SUCLG2: variants seen among roughly 807,000 people sequenced by gnomAD.
SUCLG2 encodes succinate--CoA ligase [GDP-forming] subunit beta, mitochondrial.
Under a neutral mutation model 47.9 loss-of-function variants are expected in SUCLG2, and 42 were observed. The observed-to-expected ratio is 0.88, with a 90% CI of 0.69 to 1.14. The LOEUF is 1.14. Ranked by LOEUF, SUCLG2 falls within the 50% of genes most tolerant of loss-of-function variation. The pLI is 0.00. For missense variants in SUCLG2, 571 were observed against 525.9 expected (o/e 1.09, Z -0.84); for synonymous variants, 195 against 197.3 (o/e 0.99, Z 0.10).
intron 6 of SUCLG2, among the ~76,000 whole-genome samples, chr3:67,510,021 C>T (rs1033702932): frequency 6.6e-6 from 1 of 152,212 alleles, no homozygotes; most frequent in African/African-American, 2.4e-5. Flanking sequence ...CTGGGCAGCA[C>T]CTCCTCCTCT....
At chr3:67,644,771 G>C (rs1169785678) in intron 1 of SUCLG2, among the ~76,000 whole-genome samples, 1 of 151,696 alleles carries the variant, frequency 6.6e-6, no homozygotes, top group Non-Finnish European at 1.5e-5. Flanking sequence ...CAAAAACAAG[G>C]TTTCAGAGAC....
chr3:67,491,794 G>GTTT (rs1705213434), intron 9 of SUCLG2, among the ~76,000 whole-genome samples: 1 of 152,174 alleles, frequency 6.6e-6, no homozygotes, highest in Non-Finnish European at 1.5e-5. Flanking sequence ...TTTTTTAAAT[G>GTTT]ATACTGTCAT....
At chr3:67,428,110 G>C (rs1014809867) in intron 9 of SUCLG2, among the ~76,000 whole-genome samples, 4 of 152,208 alleles carry the variant, frequency 2.6e-5, no homozygotes, top group African/African-American at 9.6e-5. Flanking sequence ...TCCCAGCACA[G>C]AGTTTGAGAA....
chr3:67,482,505 T>C (rs1435647218), intron 9 of SUCLG2, among the ~76,000 whole-genome samples: 1 of 152,216 alleles, frequency 6.6e-6, no homozygotes. Context: ...TCACCCTTCT[T>C]ATTTGAATAC....
chr3:67,633,839 G>A (rs1452777946), intron 1 of SUCLG2, among the ~76,000 whole-genome samples: 1 of 151,928 alleles, frequency 6.6e-6, no homozygotes, highest in African/African-American at 2.4e-5. Context: ...TCCGCTTTCT[G>A]CCTACTTTTA....
chr3:67,479,926 T>C (rs1486193666), intron 9 of SUCLG2, among the ~76,000 whole-genome samples: 1 of 152,246 alleles, frequency 6.6e-6, no homozygotes, highest in Admixed American at 6.5e-5. Flanking sequence ...TGGAAGATTA[T>C]CCTTAATTCT....
chr3:67,515,743 G>A (rs181109353), intron 6 of SUCLG2, among the ~76,000 whole-genome samples: 1 of 152,062 alleles, frequency 6.6e-6, no homozygotes, highest in African/African-American at 2.4e-5. Flanking sequence ...TCTGCTCATT[G>A]TACACTGGCC....
intron 9 of SUCLG2, among the ~76,000 whole-genome samples, chr3:67,485,762 T>C (rs571204570): frequency 4.8e-4 from 73 of 152,322 alleles, no homozygotes; most frequent in Admixed American, 8.5e-4. Context: ...AACCTAAATT[T>C]GTAAGGAAAG....
intron 3 of SUCLG2, among the ~76,000 whole-genome samples, chr3:67,528,425 G>A (rs1209068573): frequency 6.6e-6 from 1 of 152,116 alleles, no homozygotes; most frequent in East Asian, 1.9e-4. Flanking sequence ...GTTCATGAAT[G>A]AATAAATGAA....
chr3:67,591,457 C>T (rs1282580679), intron 2 of SUCLG2, among the ~76,000 whole-genome samples: 10 of 152,158 alleles, frequency 6.6e-5, no homozygotes, highest in South Asian at 2.1e-4. Flanking sequence ...AGAATTTTCA[C>T]GTGTTGTGGG....
At chr3:67,434,362 C>T (rs1344593743) in intron 9 of SUCLG2, among the ~76,000 whole-genome samples, 3 of 152,054 alleles carry the variant, frequency 2.0e-5, no homozygotes, top group Non-Finnish European at 2.9e-5. Flanking sequence ...CCTATCTCTA[C>T]AAAAAATGAA....
intron 2 of SUCLG2, among the ~76,000 whole-genome samples, chr3:67,544,132 T>C (rs570777648): frequency 6.6e-6 from 1 of 152,328 alleles, no homozygotes; most frequent in Admixed American, 6.5e-5. Context: ...AACTTAAAAT[T>C]GACTGGAAGA....
intron 9 of SUCLG2, among the ~76,000 whole-genome samples, chr3:67,492,883 C>G (rs1184323566): frequency 6.6e-6 from 1 of 152,176 alleles, no homozygotes. Context: ...TGACTGACAT[C>G]ATGAGTGGAA....
intron 1 of SUCLG2, among the ~76,000 whole-genome samples, chr3:67,645,201 A>G (rs1420434237): frequency 6.6e-6 from 1 of 152,144 alleles, no homozygotes; most frequent in African/African-American, 2.4e-5. Flanking sequence ...AAGTCTCCCC[A>G]CATATTAAAA....
At chr3:67,367,661 T>C (rs1701894084) in intron 10 of SUCLG2, among the ~76,000 whole-genome samples, 1 of 152,180 alleles carries the variant, frequency 6.6e-6, no homozygotes, top group Non-Finnish European at 1.5e-5. Context: ...CTCTACCTAC[T>C]AGAAGTGAGG....
intron 7 of SUCLG2, among the ~76,000 whole-genome samples, chr3:67,506,421 A>C (rs1483831122): frequency 6.6e-6 from 1 of 152,220 alleles, no homozygotes; most frequent in Non-Finnish European, 1.5e-5. Context: ...GCTCTTAAAA[A>C]TATCACATAA....
chr3:67,571,539 C>A (rs1372426647), intron 2 of SUCLG2, among the ~76,000 whole-genome samples: 1 of 152,152 alleles, frequency 6.6e-6, no homozygotes, highest in Non-Finnish European at 1.5e-5. Context: ...ACCCTTGGCC[C>A]TCAACTATCT....
chr3:67,390,061 T>C (rs1440337942), intron 10 of SUCLG2, among the ~76,000 whole-genome samples: 6 of 152,252 alleles, frequency 3.9e-5, no homozygotes, highest in Admixed American at 3.9e-4. Context: ...TGCTAATATT[T>C]ATTAAGTACT....
downstream of SUCLG2, among the ~76,000 whole-genome samples, chr3:67,373,662 G>T (rs1339376811): frequency 1.3e-5 from 2 of 152,066 alleles, no homozygotes; most frequent in African/African-American, 4.8e-5. Flanking sequence ...ATTCAATTTT[G>T]GGAGGTGTCT....
Sources: gnomAD v4.1 joint callset for allele counts (sites outside exome capture counted in the v4.1 genomes callset) on GRCh38, gnomAD v4.1.1 for gene constraint, MANE v1.5 for transcripts, NCBI Gene and HGNC (gene_info 2026-07-23, HGNC 2026-07-21) for gene names.